Variants in GARNL3 observed in about 807,000 individuals in gnomAD.
The protein encoded by GARNL3 is GTPase-activating Rap/Ran-GAP domain-like protein 3.
A neutral mutation model predicts 125.0 loss-of-function variants in GARNL3; 63 were observed. The observed-to-expected ratio is 0.50, with a 90% CI of 0.41 to 0.62. GARNL3 has a LOEUF of 0.62. GARNL3 is among the 20% of genes least tolerant of loss of function. The pLI, the probability that GARNL3 is intolerant of heterozygous loss-of-function variation, is 0.00. For synonymous variants in GARNL3, 439 were observed against 457.5 expected (o/e 0.96, Z 0.52); for missense variants, 994 against 1,244.0 (o/e 0.80, Z 3.02).
intron 22 of GARNL3, among the ~76,000 whole-genome samples, chr9:127,378,243 C>CAAAAA (rs386361566): frequency 1.1e-3 from 95 of 88,246 alleles, no homozygotes; most frequent in East Asian, 3.6e-3. Flanking sequence ...GACTCTGTCT[C>CAAAAA]AAAAAAAAAA....
intron 1 of GARNL3, among the ~76,000 whole-genome samples, chr9:127,287,432 AC>A (rs1255808485): frequency 1.3e-5 from 2 of 152,234 alleles, no homozygotes; most frequent in African/African-American, 4.8e-5. Context: ...AGAGACAGCT[AC>A]CTGATAATCA....
chr9:127,231,013 T>C (rs2062992661), intron 1 of GARNL3, among the ~76,000 whole-genome samples: 1 of 119,886 alleles, frequency 8.3e-6, no homozygotes, highest in Admixed American at 1.0e-4. Context: ...CATATGTGTA[T>C]ATATACATAT....
intron 2 of GARNL3, among the ~76,000 whole-genome samples, chr9:127,306,820 G>C (rs1455125941): frequency 6.6e-6 from 1 of 151,956 alleles, no homozygotes; most frequent in Non-Finnish European, 1.5e-5. Flanking sequence ...CTCAGAAACA[G>C]GTTGCAGTGA....
In GARNL3 at chr9:127,387,320, C is replaced by T; in HGVS notation, c.2516C>T (p.Ser839Phe). The T allele has an allele frequency of 6.2e-7, 1 of 1,611,418 alleles. No individual in the cohort carries two copies. ...PGRDTPVFPS[S>F]LGEGEIQSKN... Reference sequence around the variant, plus strand: ...CGAGATACTCCAGTATTTCCTTCTTCCCTGGGGGAAGGTGAAGTCCAAGTT... The same window carrying T: ...CGAGATACTCCAGTATTTCCTTCTTTCCTGGGGGAAGGTGAAGTCCAAGTT... The change falls in exon 25 of 28, where the codon TCC (serine) becomes TTC (phenylalanine). Residue 839 changes from serine to phenylalanine, a missense_variant. Transcript: ENST00000373387.
intron 21 of GARNL3, chr9:127,363,113 G>A (rs1831099981): frequency 6.6e-6 from 1 of 152,518 alleles, no homozygotes; most frequent in African/African-American, 2.4e-5. Flanking sequence ...CTCATGGGGA[G>A]GGGAGCCACA....
At chr9:127,341,766 G>C (rs1031181855) in intron 13 of GARNL3, among the ~76,000 whole-genome samples, 1 of 152,182 alleles carries the variant, frequency 6.6e-6, no homozygotes, top group Non-Finnish European at 1.5e-5. Context: ...TCAAAGACTT[G>C]AGGTGAAATG....
At chr9:127,304,530 CTTTTTTTTTTTTT>C (rs61493807) in intron 2 of GARNL3, among the ~76,000 whole-genome samples, 2 of 99,220 alleles carry the variant, frequency 2.0e-5, no homozygotes, top group South Asian at 8.4e-4. Context: ...TGGCTTTATT[CTTTTTTTTTTTTT>C]TTTTTTTTTT....
intron 21 of GARNL3, 140 bp from the exon 22 acceptor site, chr9:127,365,160 G>T (rs1831215675): frequency 1.5e-6 from 1 of 675,938 alleles, no homozygotes. Context: ...GTGCATTGTG[G>T]GTGCTGGTGG....
chr9:127,338,308 A>G (rs1564154651), intron 12 of GARNL3, 147 bp downstream of exon 12: 1 of 680,910 alleles, frequency 1.5e-6, no homozygotes, highest in Non-Finnish European at 2.6e-6. Context: ...CAAGGCCACC[A>G]TCTCTTCAGG....
chr9:127,253,879 G>A (rs1391149200), intron 2 of GARNL3, among the ~76,000 whole-genome samples: 1 of 152,172 alleles, frequency 6.6e-6, no homozygotes, highest in Admixed American at 6.5e-5. Context: ...GAGTGTGCAA[G>A]TAGAGACTGG....
chr9:127,332,962 A>G, intron 8 of GARNL3, 61 bp from the exon 9 acceptor site: 2 of 1,141,482 alleles, frequency 1.8e-6, no homozygotes, highest in Non-Finnish European at 2.7e-6. Context: ...TCCGGTCCAT[A>G]GTTAGAAAAT....
rs550482416 is a variant in GARNL3 at position 127,270,379 on chromosome 9, G to A, written c.144+5358G>A. Among the ~76,000 whole-genome samples the A allele has an allele frequency of 1.8e-4, 28 of 152,260 alleles. 1 individual carries two copies. The South Asian group carries it at 5.8e-3, about 32-fold the overall frequency. ...CTTCAGCTGTTCATTGTACTTCAAG[G>A]CCAGACCATGTACCAAGCCCTACAA... On this transcript the variant is annotated intron_variant, in intron 1 of 27. Transcript: ENST00000373387.
intron 1 of GARNL3, among the ~76,000 whole-genome samples, chr9:127,237,976 C>G (rs568010303): frequency 1.3e-5 from 2 of 152,292 alleles, no homozygotes; most frequent in Admixed American, 1.3e-4. Flanking sequence ...AAGCAGCTGC[C>G]TATCAGAGAC....
intron 5 of GARNL3, 94 bp from the exon 6 acceptor site, chr9:127,320,621 G>A (rs2065370034): frequency 1.3e-6 from 1 of 776,830 alleles, no homozygotes; most frequent in Non-Finnish European, 2.2e-6. Context: ...TATCTTCTGA[G>A]TGTCAGGCCC....
intron 26 of GARNL3, among the ~76,000 whole-genome samples, chr9:127,389,846 G>C (rs200632792): frequency 1.3e-5 from 2 of 151,010 alleles, no homozygotes; most frequent in Admixed American, 1.3e-4. Flanking sequence ...GATTGAGTCC[G>C]GGAGGTCAAG....
intron 6 of GARNL3, among the ~76,000 whole-genome samples, chr9:127,323,914 A>G (rs2065483306): frequency 6.6e-6 from 1 of 152,232 alleles, no homozygotes; most frequent in African/African-American, 2.4e-5. Context: ...TAATGTCCCA[A>G]TGTAAAAAAT....
At chr9:127,231,646 G>C (rs2063021521) in intron 1 of GARNL3, among the ~76,000 whole-genome samples, 1 of 152,176 alleles carries the variant, frequency 6.6e-6, no homozygotes, top group Non-Finnish European at 1.5e-5. Context: ...CTCAGACATT[G>C]CTTCTCAAAG....
chr9:127,357,958 A>G (rs568892609), intron 21 of GARNL3, among the ~76,000 whole-genome samples: 1 of 151,942 alleles, frequency 6.6e-6, no homozygotes, highest in African/African-American at 2.4e-5. Flanking sequence ...CACCCTCCCT[A>G]CCCCCTTAAA....
Position 127,384,990 on chromosome 9 carries a change from C to A in GARNL3, c.2270-37C>A. ...TCACAGCCCCTTCGCGGCCACCAAG[C>A]CAGCAGCTGGGAGGTGACACTCCCG... On this transcript the variant is annotated intron_variant, in intron 23 of 27. Coordinates refer to ENST00000373387, the MANE Select transcript of GARNL3 (RefSeq NM_032293.5). This position sits in a 1 kb window ranked among gnomAD's most constrained non-coding sequence, Gnocchi z 4.0. The A allele has an allele frequency of 7.3e-7, 1 of 1,379,286 alleles. No individual in the cohort carries two copies. The allele number at this position is 1,379,286 out of a possible 1,614,324, so 85.4% of individuals were successfully genotyped here.
Sources: allele counts gnomAD v4.1 joint callset (sites outside exome capture counted in the v4.1 genomes callset), GRCh38; gene constraint gnomAD v4.1.1; non-coding constraint Gnocchi (gnomAD v3.1); transcripts MANE v1.5; gene names NCBI Gene and HGNC (gene_info 2026-07-23, HGNC 2026-07-21).